Variants in PERP observed in about 807,000 individuals in gnomAD.
The protein encoded by PERP is p53 apoptosis effector related to PMP22, also known as p53 apoptosis effector related to PMP-22.
A neutral mutation model predicts 20.3 loss-of-function variants in PERP; 11 were observed. That is an observed-to-expected ratio of 0.54 (90% confidence interval 0.34 to 0.90). PERP has a LOEUF of 0.90. PERP is among the 40% of genes least tolerant of loss of function. PERP has a pLI of 0.02. For missense variants in PERP, 224 were observed against 249.4 expected (o/e 0.90, Z 0.69); for synonymous variants, 101 against 102.0 (o/e 0.99, Z 0.06).
intron 1 of PERP, among the ~76,000 whole-genome samples, chr6:138,103,181 G>A (rs1190266838): frequency 2.6e-5 from 4 of 151,350 alleles, no homozygotes; most frequent in Non-Finnish European, 4.4e-5. Context: ...ACTGAGTCTC[G>A]CTCTGTCACC....
intron 1 of PERP, among the ~76,000 whole-genome samples, chr6:138,099,086 T>C (rs1015192933): frequency 2.0e-5 from 3 of 152,208 alleles, no homozygotes; most frequent in Admixed American, 2.0e-4. Flanking sequence ...GTACAGCCCA[T>C]AGACCACAAA....
intron 1 of PERP, among the ~76,000 whole-genome samples, chr6:138,098,084 C>G (rs1033618071): frequency 6.6e-6 from 1 of 152,134 alleles, no homozygotes; most frequent in Admixed American, 6.5e-5. Context: ...ATACTTCATT[C>G]TTTTTGTGGC....
chr6:138,096,971 T>C (rs182652351), intron 1 of PERP, among the ~76,000 whole-genome samples: 17 of 152,308 alleles, frequency 1.1e-4, no homozygotes, highest in Non-Finnish European at 1.9e-4. Flanking sequence ...AAAATAATCA[T>C]TGAAAAAATA....
At chr6:138,106,584 C>T (rs1213563447) in intron 1 of PERP, among the ~76,000 whole-genome samples, 1 of 152,196 alleles carries the variant, frequency 6.6e-6, no homozygotes, top group African/African-American at 2.4e-5. Context: ...CAAGAACTAG[C>T]CTGACCGGTA....
At chr6:138,092,692 T>C (rs12194286) in intron 2 of PERP, among the ~76,000 whole-genome samples, 9,395 of 152,264 alleles carry the variant, frequency 0.062, 307 homozygotes, top group South Asian at 0.097. Flanking sequence ...ATTACATATA[T>C]ATATGTATAT....
intron 1 of PERP, among the ~76,000 whole-genome samples, chr6:138,104,687 T>A: frequency 6.6e-6 from 1 of 152,136 alleles, no homozygotes; most frequent in East Asian, 1.9e-4. Context: ...TATCAAGAAG[T>A]TTTTCAAAGT....
chr6:138,096,254 A>G (rs938533638), intron 2 of PERP, 100 bp downstream of exon 2: 1 of 1,411,084 alleles, frequency 7.1e-7, no homozygotes. Context: ...AGAACAGATT[A>G]GAAACTGTAA....
chr6:138,106,323 A>G (rs527728810), intron 1 of PERP, among the ~76,000 whole-genome samples: 1 of 152,250 alleles, frequency 6.6e-6, no homozygotes, highest in Admixed American at 6.5e-5. Context: ...GTGAAAGAAA[A>G]TGCCTTCTCA....
chr6:138,097,919 C>G (rs1442928135), intron 1 of PERP, among the ~76,000 whole-genome samples: 3 of 152,200 alleles, frequency 2.0e-5, no homozygotes, highest in African/African-American at 7.2e-5. Context: ...CTTCCTCCAG[C>G]TTCTGGCAAC....
At chr6:138,105,150 C>A (rs1202027067) in intron 1 of PERP, among the ~76,000 whole-genome samples, 1 of 152,194 alleles carries the variant, frequency 6.6e-6, no homozygotes, top group Non-Finnish European at 1.5e-5. Context: ...TAATGCATTA[C>A]TGGCACTTAA....
chr6:138,097,377 C>T (rs1775709397), intron 1 of PERP, among the ~76,000 whole-genome samples: 1 of 152,202 alleles, frequency 6.6e-6, no homozygotes, highest in African/African-American at 2.4e-5. Flanking sequence ...CACACACAAC[C>T]TTTCCTCTAG....
intron 1 of PERP, among the ~76,000 whole-genome samples, chr6:138,102,070 T>C (rs1471455763): frequency 6.6e-6 from 1 of 152,122 alleles, no homozygotes; most frequent in Non-Finnish European, 1.5e-5. Flanking sequence ...CTGCAGAAGT[T>C]CAGGAAGGCA....
chr6:138,107,067 G>C lies in PERP; in HGVS notation c.214+60C>G, dbSNP rs1182320616. On this transcript the variant is annotated intron_variant, in intron 1 of 2. Coordinates refer to ENST00000421351, the MANE Select transcript of PERP (RefSeq NM_022121.5). The surrounding 1 kb of genome is among the most constrained non-coding windows in gnomAD (Gnocchi z 4.8). ...GGGCCCATCACGCGCGGCGGCTTTTGCAGGCCGCGGCCCCGAGGGCTTCCT... is the reference window on the plus strand; with the variant it reads ...GGGCCCATCACGCGCGGCGGCTTTTCCAGGCCGCGGCCCCGAGGGCTTCCT... The C allele has an allele frequency of 2.0e-6, 3 of 1,514,470 alleles. No homozygotes were observed. Among genetic ancestry groups the C allele is most frequent in the Middle Eastern group, 1.8e-4 (1 of 5,462 alleles). The allele number at this position is 1,514,470 out of a possible 1,614,324, so 93.8% of individuals were successfully genotyped here.
At chr6:138,095,322 T>C (rs920803182) in intron 2 of PERP, among the ~76,000 whole-genome samples, 14 of 152,012 alleles carry the variant, frequency 9.2e-5, no homozygotes, top group African/African-American at 3.1e-4. Flanking sequence ...GGACTGTGCA[T>C]GTACCAGCTG....
intron 2 of PERP, among the ~76,000 whole-genome samples, chr6:138,094,800 A>G (rs1775650967): frequency 6.6e-6 from 1 of 152,150 alleles, no homozygotes; most frequent in South Asian, 2.1e-4. Context: ...GGCTCACTGC[A>G]ACCTCCACCT....
chr6:138,107,244 G>C lies in PERP; in HGVS notation c.97C>G (p.Arg33Gly). 1 of 1,612,276 alleles carries C rather than the reference G, an allele frequency of 6.2e-7. No homozygotes were observed. The highest frequency in any genetic ancestry group is 8.5e-7 in the Non-Finnish European group (1 of 1,179,676). Residue 33 changes from arginine (R) to glycine (G), a missense_variant, in exon 1 of 3, where the codon CGC becomes GGC. By Grantham distance (125) the Arg-to-Gly change is moderately radical. Transcript: ENST00000421351. This position sits in a 1 kb window ranked among gnomAD's most constrained non-coding sequence, Gnocchi z 4.8. ...TGGTCGCTAGACTGCAACCAGCCGC[G>C]GCCGGCCAGCGCGATGATGTCGAAG... Reference protein sequence around the residue: ...IAFDIIALAGRGWLQSSDHGQ... With the variant: ...IAFDIIALAGGGWLQSSDHGQ...
chr6:138,091,998 G>T lies in PERP; in HGVS notation c.*44C>A. 6.4e-7 allele frequency: 1 copy of T among 1,564,794 alleles called. No homozygotes were observed. The highest frequency in any genetic ancestry group is 8.7e-7 in the Non-Finnish European group (1 of 1,142,930). The stretch of plus-strand genomic sequence containing the variant: ...TGGAGAAACAGTTTCTTCTTCTGGA[G>T]TCCATCTCAGCAGCAGCGATTTTCT... On this transcript the variant is annotated 3_prime_UTR_variant, in exon 3 of 3. Transcript: ENST00000421351.
In PERP at chr6:138,091,976, A is replaced by G; in HGVS notation, c.*66T>C. The G allele has an allele frequency of 1.4e-6, 2 of 1,479,106 alleles. No homozygotes were observed. Among genetic ancestry groups the G allele is most frequent in the Non-Finnish European group, 1.8e-6 (2 of 1,082,332 alleles). The allele number at this position is 1,479,106 out of a possible 1,614,324, so 91.6% of individuals were successfully genotyped here. A position where few individuals can be genotyped will look rare whatever the true frequency, so the allele number is the denominator to read the frequency against. ...AAAAAATGGGTTCAAAGTCGCCTGG[A>G]GAAACAGTTTCTTCTTCTGGAGTCC... On this transcript the variant is annotated 3_prime_UTR_variant, in exon 3 of 3. Transcript: ENST00000421351.
chr6:138,096,276 C>A lies in PERP; in HGVS notation c.355+78G>T, dbSNP rs112472788. On this transcript the variant is annotated intron_variant, in intron 2 of 2. Transcript: ENST00000421351. ...ATTAGAAACTGTAACAGTCACGGGTCTTCTTTGTGGAATTGACCATTACTA... is the reference window on the plus strand; with the variant it reads ...ATTAGAAACTGTAACAGTCACGGGTATTCTTTGTGGAATTGACCATTACTA... The A allele has an allele frequency of 5.9e-6, 9 of 1,522,214 alleles. No homozygotes were observed. In the African/African-American group the frequency reaches 1.1e-4, roughly 19 times the overall value. The allele number at this position is 1,522,214 out of a possible 1,614,324, so 94.3% of individuals were successfully genotyped here. A position where few individuals can be genotyped will look rare whatever the true frequency, so the allele number is the denominator to read the frequency against.
Sources: gnomAD v4.1 joint callset for allele counts (sites outside exome capture counted in the v4.1 genomes callset) on GRCh38, gnomAD v4.1.1 for gene constraint, Gnocchi (gnomAD v3.1) non-coding constraint, MANE v1.5 for transcripts, NCBI Gene and HGNC (gene_info 2026-07-23, HGNC 2026-07-21) for gene names.